Variants in METAP1 observed in about 807,000 individuals in gnomAD.
METAP1 encodes the protein methionine aminopeptidase 1.
Under a neutral mutation model 53.8 loss-of-function variants are expected in METAP1, and 28 were observed. The observed-to-expected ratio is 0.52, with a 90% CI of 0.39 to 0.71. METAP1 has a LOEUF of 0.71. Among genes scored for constraint, METAP1 ranks in the 30% least tolerant of loss-of-function variants. The pLI is 0.00. For synonymous variants in METAP1, 181 were observed against 165.7 expected (o/e 1.09, Z -0.71); for missense variants, 389 against 479.8 (o/e 0.81, Z 1.77).
chr4:99,004,488 CACACACACACACACACACACACACAA>C (rs1723084238), intron 1 of METAP1, among the ~76,000 whole-genome samples: 1 of 32,142 alleles, frequency 3.1e-5, no homozygotes, highest in African/African-American at 7.3e-5. Context: ...CACACATACA[CACACACACACACACACACACACACAA>C]AATAACACAG....
intron 1 of METAP1, among the ~76,000 whole-genome samples, chr4:99,001,959 A>T (rs1433178222): frequency 6.6e-6 from 1 of 152,252 alleles, no homozygotes; most frequent in Non-Finnish European, 1.5e-5. Flanking sequence ...AAAAACGAGC[A>T]TCATTTGGTT....
Position 99,061,237 on chromosome 4 carries a change from C to T in METAP1, c.1081C>T (p.Leu361Phe). Reference sequence around the variant, plus strand: ...GCGGTCTGCTCAGTTTGAGCACACCCTCCTGGTCACAGACACTGGCTGTGA... The same window carrying T: ...GCGGTCTGCTCAGTTTGAGCACACCTTCCTGGTCACAGACACTGGCTGTGA... ...GKRSAQFEHT[L>F]LVTDTGCEIL... The change falls in exon 11 of 11, where the codon CTC (leucine) becomes TTC (phenylalanine). Residue 361 changes from leucine to phenylalanine, a missense_variant. Transcript: ENST00000296411. The T allele has an allele frequency of 1.2e-6, 2 of 1,613,944 alleles. No individual in the cohort carries two copies. The highest frequency in any genetic ancestry group is 4.5e-5 in the East Asian group (2 of 44,878).
chr4:99,001,188 G>A (rs1442576755), intron 1 of METAP1, among the ~76,000 whole-genome samples: 8 of 152,154 alleles, frequency 5.3e-5, no homozygotes, highest in Admixed American at 1.3e-4. Flanking sequence ...CATGTTGTGC[G>A]TTTTTATTTA....
chr4:99,057,344 A>G (rs12513260), intron 9 of METAP1, among the ~76,000 whole-genome samples: 11,993 of 152,242 alleles, frequency 0.079, 1,202 homozygotes, highest in East Asian at 0.57. Flanking sequence ...AATCTGAAAC[A>G]TCTGTCATTC....
intron 1 of METAP1, among the ~76,000 whole-genome samples, chr4:99,014,583 C>A (rs1327239721): frequency 1.3e-5 from 2 of 152,126 alleles, no homozygotes; most frequent in Non-Finnish European, 2.9e-5. Flanking sequence ...CATCAGGAAC[C>A]CCCCTTGCAA....
chr4:99,060,584 C>T (rs570815294), intron 10 of METAP1, among the ~76,000 whole-genome samples: 11 of 152,134 alleles, frequency 7.2e-5, no homozygotes, highest in Admixed American at 7.2e-4. Context: ...AGGATGGTCT[C>T]AATCTCCTGA....
At chr4:99,031,690 T>C in intron 2 of METAP1, 7 of 874,592 alleles carry the variant, frequency 8.0e-6, no homozygotes, top group Non-Finnish European at 1.1e-5. Context: ...AATAATCATC[T>C]CTGGAAGACT....
chr4:99,008,138 T>G (rs1188931527), intron 1 of METAP1, among the ~76,000 whole-genome samples: 1 of 152,204 alleles, frequency 6.6e-6, no homozygotes, highest in Non-Finnish European at 1.5e-5. Flanking sequence ...AGTTAAGAAC[T>G]GAATTTTGAT....
chr4:99,043,209 T>G, intron 6 of METAP1, 40 bp from the exon 7 acceptor site: 2 of 1,410,456 alleles, frequency 1.4e-6, no homozygotes, highest in African/African-American at 2.9e-5. Context: ...ATACAGATTT[T>G]TTCTTTTATA....
chr4:99,030,092 T>C (rs1724890888), intron 2 of METAP1, among the ~76,000 whole-genome samples: 1 of 152,216 alleles, frequency 6.6e-6, no homozygotes. Flanking sequence ...GTGTTTCTAA[T>C]GTGTTAGGTA....
rs1724778041 is a variant in METAP1, at chr4:99,028,853, T to G, written c.115-14T>G. 5 of 1,529,298 alleles carry G rather than the reference T, an allele frequency of 3.3e-6. No homozygotes were observed. Among genetic ancestry groups the G allele is most frequent in the Non-Finnish European group, 4.4e-6 (5 of 1,132,202 alleles). 94.7% of individuals were successfully genotyped at this position (1,529,298 alleles called of 1,614,324 possible). A position where few individuals can be genotyped will look rare whatever the true frequency, so the allele number is the denominator to read the frequency against. On this transcript the variant is annotated splice_polypyrimidine_tract_variant and intron_variant, in intron 1 of 10. Coordinates refer to ENST00000296411, the MANE Select transcript of METAP1 (RefSeq NM_015143.3). ...GGAAGGCCTGACACTAATTTTCCTT[T>G]TTTGTTCTTTTAGGAATGTTTTAAA...
intron 1 of METAP1, among the ~76,000 whole-genome samples, chr4:98,996,103 C>G (rs1028122671): frequency 1.3e-5 from 2 of 152,176 alleles, no homozygotes; most frequent in African/African-American, 4.8e-5. Context: ...CCGCCGCGGC[C>G]ATGTGGGCTG....
At chr4:99,038,756 G>C (rs577331153) in intron 4 of METAP1, among the ~76,000 whole-genome samples, 55 of 152,052 alleles carry the variant, frequency 3.6e-4, no homozygotes, top group Non-Finnish European at 7.7e-4. Flanking sequence ...GTATGACTCA[G>C]AAATGGCTTT....
Position 99,035,397 on chromosome 4 carries a change from T to C in METAP1, c.280-3T>C. On this transcript the variant is annotated splice_polypyrimidine_tract_variant and splice_region_variant and intron_variant, in intron 3 of 10. Transcript: ENST00000296411. ...AATCAGTTTTAACTAACTTTGTTTT[T>C]AGATGCCAACAAGGCCAGTGCCAAG... 6.5e-7 allele frequency: 1 copy of C among 1,544,490 alleles called. No individual in the cohort carries two copies. The highest frequency in any genetic ancestry group is 8.8e-7 in the Non-Finnish European group (1 of 1,140,758).
At chr4:99,042,575 ACC>A (rs1236815262) in intron 6 of METAP1, among the ~76,000 whole-genome samples, 1 of 152,092 alleles carries the variant, frequency 6.6e-6, no homozygotes, top group African/African-American at 2.4e-5. Context: ...GAAGTACTTT[ACC>A]GTTTCTTAAT....
At chr4:99,016,957 T>G (rs1343665767) in intron 1 of METAP1, among the ~76,000 whole-genome samples, 1 of 152,208 alleles carries the variant, frequency 6.6e-6, no homozygotes, top group Admixed American at 6.5e-5. Flanking sequence ...TGTATTTTCT[T>G]TAGCCCACAT....
intron 1 of METAP1, among the ~76,000 whole-genome samples, chr4:99,027,453 A>T (rs2110327765): frequency 6.6e-6 from 1 of 152,252 alleles, no homozygotes; most frequent in East Asian, 1.9e-4. Flanking sequence ...ATGGTTTGTG[A>T]AAAGTCCTTC....
rs534486623 is a variant in METAP1 at position 99,014,456 on chromosome 4, C to T, written c.115-14411C>T. Among the ~76,000 whole-genome samples, 138 of 152,340 alleles carry T rather than the reference C, an allele frequency of 9.1e-4. 1 individual carries two copies. Among genetic ancestry groups the T allele is most frequent in the African/African-American group, 3.2e-3 (134 of 41,578 alleles). Reference sequence around the variant, plus strand: ...CCCCTGACCACTTTGGTGTAGTTAACTAATCATTGTTGATTATAGTAAATA... The same window carrying T: ...CCCCTGACCACTTTGGTGTAGTTAATTAATCATTGTTGATTATAGTAAATA... On this transcript the variant is annotated intron_variant, in intron 1 of 10. Coordinates refer to ENST00000296411, the MANE Select transcript of METAP1 (RefSeq NM_015143.3).
chr4:99,052,564 C>A (rs914230840), intron 9 of METAP1, among the ~76,000 whole-genome samples: 3 of 152,172 alleles, frequency 2.0e-5, no homozygotes, highest in Non-Finnish European at 4.4e-5. Context: ...CATGACAACT[C>A]ATTCACTGTG....
Sources: allele counts gnomAD v4.1 joint callset (sites outside exome capture counted in the v4.1 genomes callset), GRCh38; gene constraint gnomAD v4.1.1; transcripts MANE v1.5; gene names NCBI Gene and HGNC (gene_info 2026-07-23, HGNC 2026-07-21).